Variants in MLLT10 observed in about 807,000 individuals in gnomAD.
The protein encoded by MLLT10 is MLLT10 histone lysine methyltransferase DOT1L cofactor, also known as protein AF-10.
In MLLT10, 30 loss-of-function variants were observed where a neutral mutation model predicts 129.1. The ratio of observed to expected loss-of-function variants is 0.23; its 90% CI spans 0.17 to 0.32. The LOEUF (loss-of-function observed/expected upper bound fraction) is 0.32. Ranked by LOEUF, MLLT10 falls within the 10% of genes least tolerant of loss-of-function variation. The pLI, the probability that MLLT10 is intolerant of heterozygous loss-of-function variation, is 1.00. For synonymous variants in MLLT10, 490 were observed against 446.4 expected (o/e 1.10, Z -1.23); for missense variants, 1,119 against 1,268.3 (o/e 0.88, Z 1.79).
chr10:21,554,957 G>T (rs1240487165), intron 3 of MLLT10, among the ~76,000 whole-genome samples: 1 of 151,724 alleles, frequency 6.6e-6, no homozygotes, highest in Non-Finnish European at 1.5e-5. Context: ...GAGTACCTGG[G>T]ATGACAGGCG....
At chr10:21,708,891 G>A (rs1420530119) in intron 13 of MLLT10, among the ~76,000 whole-genome samples, 1 of 152,062 alleles carries the variant, frequency 6.6e-6, no homozygotes, top group Non-Finnish European at 1.5e-5. Context: ...CAAAATGGCC[G>A]TAGCTACCAT....
intron 14 of MLLT10, among the ~76,000 whole-genome samples, chr10:21,718,869 G>A (rs1422001632): frequency 6.6e-6 from 1 of 152,094 alleles, no homozygotes; most frequent in Admixed American, 6.5e-5. Context: ...GACTACACAC[G>A]TGCACCACCA....
chr10:21,717,701 TTCCTCC>T (rs1431213350), intron 14 of MLLT10, among the ~76,000 whole-genome samples: 5 of 23,394 alleles, frequency 2.1e-4, no homozygotes, highest in Non-Finnish European at 3.9e-4. Flanking sequence ...CCTCCTCCTC[TTCCTCC>T]TCCTCCTCTT....
At chr10:21,562,329 T>TTTA (rs1564415045) in intron 3 of MLLT10, among the ~76,000 whole-genome samples, 3 of 147,942 alleles carry the variant, frequency 2.0e-5, no homozygotes, top group African/African-American at 7.6e-5. Flanking sequence ...ATTTTTGTTT[T>TTTA]TTTATTTATT....
intron 10 of MLLT10, among the ~76,000 whole-genome samples, chr10:21,672,416 C>T (rs930509133): frequency 5.3e-5 from 8 of 151,994 alleles, no homozygotes; most frequent in African/African-American, 7.3e-5. Flanking sequence ...TTTGTAGAGA[C>T]GGGTTCAGCC....
intron 14 of MLLT10, among the ~76,000 whole-genome samples, chr10:21,717,780 G>GCTTCTTCTTCTT (rs139007268): frequency 1.9e-5 from 1 of 51,474 alleles, no homozygotes; most frequent in Admixed American, 2.6e-4. Flanking sequence ...TGCTGCTGCT[G>GCTTCTTCTTCTT]CTTCTTCTTC....
intron 3 of MLLT10, among the ~76,000 whole-genome samples, chr10:21,556,441 C>T (rs1448083884): frequency 6.6e-6 from 1 of 152,114 alleles, no homozygotes; most frequent in African/African-American, 2.4e-5. Flanking sequence ...ATTCCTTTAG[C>T]CAGATGGATG....
In MLLT10 at chr10:21,652,102, CG is replaced by C. The variant is rs371082856; in HGVS notation, c.795+338del. On this transcript the variant is annotated intron_variant, in intron 9 of 22. Transcript: ENST00000307729. ...CAATTTTTTGTATCTTTAGTAGAGA[CG>C]GGGTTTCACTGTGTTAGCCAGGATG... 5.3e-4 allele frequency among the ~76,000 whole-genome samples: 80 copies of C among 151,646 alleles called. 1 individual carries two copies. In the East Asian group the frequency reaches 0.015, roughly 28 times the overall value.
At chr10:21,564,940 A>G (rs996122805) in intron 3 of MLLT10, among the ~76,000 whole-genome samples, 1 of 152,148 alleles carries the variant, frequency 6.6e-6, no homozygotes, top group South Asian at 2.1e-4. Context: ...TGCTATGAAT[A>G]TATGTATAGT....
chr10:21,671,525 T>C (rs761397773), intron 10 of MLLT10, among the ~76,000 whole-genome samples: 8 of 152,126 alleles, frequency 5.3e-5, no homozygotes, highest in Non-Finnish European at 1.2e-4. Flanking sequence ...CAGTGGCTCA[T>C]GCCTGTAATC....
intron 10 of MLLT10, 25 bp from the exon 11 acceptor site, chr10:21,673,318 CTTTTTTT>C (rs397719980): frequency 3.3e-5 from 10 of 307,642 alleles, no homozygotes; most frequent in East Asian, 2.1e-4. Context: ...CACCCCCCAA[CTTTTTTT>C]TTTTTTTTTT....
chr10:21,666,649 A>G (rs1019868659), intron 9 of MLLT10, among the ~76,000 whole-genome samples: 1 of 151,606 alleles, frequency 6.6e-6, no homozygotes, highest in East Asian at 1.9e-4. Flanking sequence ...GCGACAGAGC[A>G]AGACTCTGTC....
At chr10:21,694,703 C>CA (rs1485248087) in intron 13 of MLLT10, among the ~76,000 whole-genome samples, 2 of 152,296 alleles carry the variant, frequency 1.3e-5, no homozygotes, top group East Asian at 3.9e-4. Context: ...ACTGTAAGTA[C>CA]ATTAGTTTTC....
intron 15 of MLLT10, among the ~76,000 whole-genome samples, chr10:21,727,388 T>C (rs1403813828): frequency 6.6e-6 from 1 of 152,226 alleles, no homozygotes; most frequent in African/African-American, 2.4e-5. Flanking sequence ...CTCTAGTGTC[T>C]AACACCATAA....
rs920655314 is a variant in MLLT10 at position 21,544,691 on chromosome 10, G to A, written c.240+5779G>A. On this transcript the variant is annotated intron_variant, in intron 3 of 22. Coordinates refer to ENST00000307729, the MANE Select transcript of MLLT10 (RefSeq NM_001195626.3). ...ATGACAGAAATGGATGTTAGGTAAA[G>A]GGAAGGGAATAATCAAAGATGATTC... Among the ~76,000 whole-genome samples, 15 of 152,270 alleles carry A rather than the reference G, an allele frequency of 9.9e-5. No homozygotes were observed. The East Asian group carries it at 2.9e-3, about 29-fold the overall frequency.
chr10:21,534,550 CGGGGGGCGCCGGGGCGGGCTCGGGG>C, intron 1 of MLLT10, 30 bp downstream of exon 1: 1 of 978,036 alleles, frequency 1.0e-6, no homozygotes. Flanking sequence ...CCGGGCCGGG[CGGGGGGCGCCGGGGCGGGCTCGGGG>C]GGCTGTGTGG....
chr10:21,558,478 A>T (rs2038360194), intron 3 of MLLT10, among the ~76,000 whole-genome samples: 1 of 152,080 alleles, frequency 6.6e-6, no homozygotes, highest in African/African-American at 2.4e-5. Context: ...AAAAATCAAA[A>T]TATGATCATG....
At chr10:21,573,035 A>T (rs1041855903) in intron 3 of MLLT10, among the ~76,000 whole-genome samples, 8 of 152,180 alleles carry the variant, frequency 5.3e-5, no homozygotes, top group African/African-American at 1.7e-4. Context: ...ATTTTTGTAT[A>T]TTGACCTGTT....
intron 5 of MLLT10, among the ~76,000 whole-genome samples, chr10:21,601,278 T>C (rs1328454600): frequency 2.0e-5 from 3 of 152,150 alleles, no homozygotes; most frequent in African/African-American, 4.8e-5. Context: ...CAACTTGATA[T>C]ATTATTTGCT....
Sources: gnomAD v4.1 joint callset for allele counts (sites outside exome capture counted in the v4.1 genomes callset) on GRCh38, gnomAD v4.1.1 for gene constraint, MANE v1.5 for transcripts, NCBI Gene and HGNC (gene_info 2026-07-23, HGNC 2026-07-21) for gene names.